INO80: variants seen among roughly 807,000 people sequenced by gnomAD.
INO80 encodes the protein chromatin-remodeling ATPase INO80.
Under a neutral mutation model 203.4 loss-of-function variants are expected in INO80, and 20 were observed. The ratio of observed to expected loss-of-function variants is 0.10; its 90% CI spans 0.07 to 0.14. The LOEUF is 0.14. Ranked by LOEUF, INO80 falls within the 10% of genes least tolerant of loss-of-function variation. The probability of loss-of-function intolerance (pLI) is 1.00; values close to 1 mark genes in which losing one functional copy is unlikely to be tolerated. For synonymous variants in INO80, 726 were observed against 685.2 expected (o/e 1.06, Z -0.93); for missense variants, 1,419 against 1,914.4 (o/e 0.74, Z 4.83).
rs1322977777 is a variant in INO80, at chr15:41,115,955, C to G, written c.-44+18G>C. 1 of 385,252 alleles carries G rather than the reference C, an allele frequency of 2.6e-6. No individual in the cohort carries two copies. Among genetic ancestry groups the G allele is most frequent in the Non-Finnish European group, 4.6e-6 (1 of 217,322 alleles). The allele number at this position is 385,252 out of a possible 1,614,324, so 23.9% of individuals were successfully genotyped here. A position where few individuals can be genotyped will look rare whatever the true frequency, so the allele number is the denominator to read the frequency against. ...ACAACCCCCACTCCGTTCGCCCGCC[C>G]ACGTCTAGTTGCCTCACCTCGGGCC... On this transcript the variant is annotated intron_variant, in intron 1 of 35. Coordinates refer to ENST00000648947, the MANE Select transcript of INO80 (RefSeq NM_017553.3).
At chr15:41,087,213 G>A (rs956101593) in intron 6 of INO80, among the ~76,000 whole-genome samples, 12 of 151,890 alleles carry the variant, frequency 7.9e-5, no homozygotes, top group African/African-American at 2.9e-4. Context: ...AACAATATAG[G>A]ATAACAAGTA....
chr15:41,005,811 G>A (rs1199290913), intron 27 of INO80, 124 bp from the exon 28 acceptor site: 3 of 545,852 alleles, frequency 5.5e-6, no homozygotes, highest in Non-Finnish European at 9.9e-6. Context: ...CCAGAATGGG[G>A]AGAGAGTAAC....
chr15:41,048,700 T>C (rs2044811251), intron 21 of INO80, among the ~76,000 whole-genome samples: 1 of 152,214 alleles, frequency 6.6e-6, no homozygotes, highest in Admixed American at 6.5e-5. Flanking sequence ...AGTTTCTCTA[T>C]AAAACAGCTT....
rs2045548964 is a variant in INO80 at position 41,085,498 on chromosome 15, G to C, written c.744C>G (p.Thr248=). The change falls in exon 7 of 36, where the codon ACC becomes ACG. Residue 248 remains threonine (T), a synonymous_variant. Coordinates refer to ENST00000648947, the MANE Select transcript of INO80 (RefSeq NM_017553.3). ...EESPRRHHHQ[T]KVFAKFSHDA... is the part of the protein sequence containing the mutation. ...CGTGAGAAAACTTGGCAAAGACTTT[G>C]GTCTGGTGGTGATGGCGACGAGGGG... The C allele has an allele frequency of 6.2e-7, 1 of 1,614,032 alleles. No homozygotes were observed. The highest frequency in any genetic ancestry group is 1.7e-5 in the Admixed American group (1 of 59,992).
At chr15:41,070,422 C>A in intron 13 of INO80, 45 bp downstream of exon 13, 1 of 1,525,854 alleles carries the variant, frequency 6.6e-7, no homozygotes, top group Non-Finnish European at 9.1e-7. Flanking sequence ...CAGAAATTAC[C>A]CTAAATTCTA....
intron 24 of INO80, among the ~76,000 whole-genome samples, chr15:41,035,476 T>C (rs939189019): frequency 3.3e-5 from 5 of 150,398 alleles, no homozygotes; most frequent in African/African-American, 1.2e-4. Flanking sequence ...TAGTGAGCCA[T>C]GACTATACCA....
chr15:40,979,973 A>G lies in INO80; in HGVS notation c.*250T>C. The G allele has an allele frequency of 3.7e-6, 2 of 541,282 alleles. No homozygotes were observed. Among genetic ancestry groups the G allele is most frequent in the African/African-American group, 1.9e-5 (1 of 52,688 alleles). The allele number at this position is 541,282 out of a possible 1,614,324, so 33.5% of individuals were successfully genotyped here. On this transcript the variant is annotated 3_prime_UTR_variant, in exon 36 of 36. Coordinates refer to ENST00000648947, the MANE Select transcript of INO80 (RefSeq NM_017553.3). ...TGAGAGGTTTAAGACTTGGCTATAC[A>G]GTTCACTTGAGATGCAGTGGGGCTG...
chr15:41,090,875 C>T (rs2045629793), intron 5 of INO80, among the ~76,000 whole-genome samples: 1 of 151,002 alleles, frequency 6.6e-6, no homozygotes. Context: ...TCTAGTACAT[C>T]CGAAGTATTA....
chr15:41,083,495 C>T (rs1282317749), intron 7 of INO80, among the ~76,000 whole-genome samples: 2 of 151,848 alleles, frequency 1.3e-5, no homozygotes, highest in South Asian at 4.2e-4. Flanking sequence ...CACTTGAGGT[C>T]GGGAGTTCAA....
At chr15:41,039,811 C>G (rs2044640702) in intron 24 of INO80, among the ~76,000 whole-genome samples, 1 of 152,202 alleles carries the variant, frequency 6.6e-6, no homozygotes, top group Non-Finnish European at 1.5e-5. Context: ...CACTGAGTCT[C>G]CACTCTACCA....
At chr15:41,093,298 G>A (rs557568390) in intron 4 of INO80, among the ~76,000 whole-genome samples, 78 of 152,052 alleles carry the variant, frequency 5.1e-4, no homozygotes, top group African/African-American at 1.6e-3. Flanking sequence ...GGTGGCAAGC[G>A]CCTGTAGTTT....
intron 14 of INO80, among the ~76,000 whole-genome samples, chr15:41,061,158 T>G (rs1007730437): frequency 6.6e-6 from 1 of 151,026 alleles, no homozygotes; most frequent in African/African-American, 2.4e-5. Context: ...AATACAAAAG[T>G]TAGCTAGGTG....
intron 10 of INO80, among the ~76,000 whole-genome samples, chr15:41,073,823 T>C (rs915398641): frequency 1.3e-5 from 2 of 152,196 alleles, no homozygotes; most frequent in Non-Finnish European, 2.9e-5. Flanking sequence ...ATATTTATGA[T>C]AGGTGAAACT....
chr15:41,114,925 G>C (rs1272609900), intron 1 of INO80, among the ~76,000 whole-genome samples: 2 of 151,918 alleles, frequency 1.3e-5, no homozygotes, highest in Non-Finnish European at 2.9e-5. Context: ...TCTCTTTTAG[G>C]GTGATGAATT....
rs1411455310 is a variant in INO80, at chr15:41,048,123, T to C, written c.2641+89A>G. The C allele has an allele frequency of 3.1e-6, 3 of 963,782 alleles. No homozygotes were observed. The African/African-American group carries it at 4.9e-5, about 16-fold the overall frequency. The allele number at this position is 963,782 out of a possible 1,614,324, so 59.7% of individuals were successfully genotyped here. A position where few individuals can be genotyped will look rare whatever the true frequency, so the allele number is the denominator to read the frequency against. On this transcript the variant is annotated intron_variant, in intron 22 of 35. Coordinates refer to ENST00000648947, the MANE Select transcript of INO80 (RefSeq NM_017553.3). ...GGGCCTACCATATAGGCAAAACTAATACTCGTTCTAAATCAGTCTCTCAGC... is the reference window on the plus strand; with the variant it reads ...GGGCCTACCATATAGGCAAAACTAACACTCGTTCTAAATCAGTCTCTCAGC...
chr15:41,061,983 G>C (rs906313225), intron 14 of INO80, among the ~76,000 whole-genome samples: 26 of 152,250 alleles, frequency 1.7e-4, no homozygotes, highest in African/African-American at 6.0e-4. Context: ...AGGGCTTCTT[G>C]AATCTACAGA....
intron 19 of INO80, among the ~76,000 whole-genome samples, 170 bp downstream of exon 19, chr15:41,053,751 AAAAAAGAT>A (rs1388246029): frequency 6.6e-6 from 1 of 152,200 alleles, no homozygotes; most frequent in East Asian, 1.9e-4. Context: ...CAAAAAAAGA[AAAAAAGAT>A]GTTATTTTCC....
At chr15:41,107,034 T>C (rs2045889654) in intron 1 of INO80, among the ~76,000 whole-genome samples, 1 of 152,248 alleles carries the variant, frequency 6.6e-6, no homozygotes, top group African/African-American at 2.4e-5. Context: ...ACAGTCCCTT[T>C]TGTCTTACAG....
intron 9 of INO80, among the ~76,000 whole-genome samples, chr15:41,076,174 A>T (rs1437823887): frequency 6.6e-6 from 1 of 152,112 alleles, no homozygotes; most frequent in Non-Finnish European, 1.5e-5. Flanking sequence ...CAGCCTGGTC[A>T]ACATGGAGAA....
Sources: allele counts gnomAD v4.1 joint callset (sites outside exome capture counted in the v4.1 genomes callset), GRCh38; gene constraint gnomAD v4.1.1; transcripts MANE v1.5; gene names NCBI Gene and HGNC (gene_info 2026-07-23, HGNC 2026-07-21).